RABGAP1L: variants seen among roughly 807,000 people sequenced by gnomAD.
RABGAP1L encodes the protein rab GTPase-activating protein 1-like.
Under a neutral mutation model 137.7 loss-of-function variants are expected in RABGAP1L, and 63 were observed. The observed-to-expected ratio is 0.46, with a 90% CI of 0.37 to 0.56. The LOEUF (loss-of-function observed/expected upper bound fraction) is 0.56. RABGAP1L is among the 20% of genes least tolerant of loss of function. RABGAP1L has a pLI of 0.00. For synonymous variants in RABGAP1L, 431 were observed against 433.7 expected (o/e 0.99, Z 0.08); for missense variants, 1,095 against 1,244.0 (o/e 0.88, Z 1.80).
Position 174,250,553 on chromosome 1 carries a change from A to T in RABGAP1L, c.796A>T (p.Ile266Phe). 1 of 1,613,956 alleles carries T rather than the reference A, an allele frequency of 6.2e-7. No individual in the cohort carries two copies. Among genetic ancestry groups the T allele is most frequent in the East Asian group, 2.2e-5 (1 of 44,856 alleles). The change falls in exon 6 of 26, where the codon ATT becomes TTT. Residue 266 changes from isoleucine (I) to phenylalanine (F), a missense_variant. Around this residue, in one of 4 missense-constraint regions of RABGAP1L, gnomAD observed 356 missense variants for 326.3 expected, o/e 1.09. Transcript: ENST00000681986. ...RQVSDVKDSV[I>F]PTPDSDVFTF... The stretch of plus-strand genomic sequence containing the variant: ...AGTGTCTGATGTTAAAGACTCAGTT[A>T]TTCCTACCCCCGACAGTGATGTGTT...
chr1:174,850,130 G>T, intron 19 of RABGAP1L: 1 of 481,852 alleles, frequency 2.1e-6, no homozygotes, highest in Non-Finnish European at 4.2e-6. Flanking sequence ...AGTTCTCTAG[G>T]TTGAAATTCC....
chr1:174,575,051 C>T (rs1668273186), intron 13 of RABGAP1L, among the ~76,000 whole-genome samples: 1 of 152,192 alleles, frequency 6.6e-6, no homozygotes. Flanking sequence ...CTGCCTCAGC[C>T]TTCCGAGTAG....
chr1:174,779,859 A>T (rs1686819669), intron 18 of RABGAP1L, among the ~76,000 whole-genome samples: 1 of 152,064 alleles, frequency 6.6e-6, no homozygotes, highest in South Asian at 2.1e-4. Context: ...TGAGGTCAGG[A>T]GTTTGAGACC....
chr1:174,199,507 G>T (rs955407390), intron 1 of RABGAP1L, among the ~76,000 whole-genome samples: 2 of 152,078 alleles, frequency 1.3e-5, no homozygotes, highest in Non-Finnish European at 2.9e-5. Context: ...GACCAGGCTG[G>T]TCTCGAACTC....
intron 19 of RABGAP1L, chr1:174,897,388 A>G (rs1325404063): frequency 6.6e-6 from 1 of 152,198 alleles, no homozygotes; most frequent in East Asian, 1.9e-4. Flanking sequence ...TTGCTTATAT[A>G]TTAAACGTGT....
chr1:174,331,244 A>G (rs1027582756), intron 11 of RABGAP1L, among the ~76,000 whole-genome samples: 5 of 152,218 alleles, frequency 3.3e-5, no homozygotes, highest in African/African-American at 1.2e-4. Context: ...AGAAGAAAAC[A>G]CAGGAGAAAC....
At chr1:174,239,994 T>A (rs1404874177) in intron 4 of RABGAP1L, among the ~76,000 whole-genome samples, 1 of 152,236 alleles carries the variant, frequency 6.6e-6, no homozygotes, top group African/African-American at 2.4e-5. Flanking sequence ...GTATATTGTT[T>A]ATATGTTATC....
rs1558070619 is a variant in RABGAP1L at position 174,780,107 on chromosome 1, TAAATA to T, written c.2211+27756_2211+27760del. Among the ~76,000 whole-genome samples the T allele has an allele frequency of 1.1e-3, 155 of 146,994 alleles. 3 individuals are homozygous for T. Among genetic ancestry groups the T allele is most frequent in the South Asian group, 2.0e-3 (9 of 4,606 alleles). ...ATAAATAAATAAATAAATAAATAAATAAATAAATAAATTAAATAAGCCCTAATTAA... is the reference window on the plus strand; with the variant it reads ...ATAAATAAATAAATAAATAAATAAATAATAAATTAAATAAGCCCTAATTAA... On this transcript the variant is annotated intron_variant, in intron 18 of 25. Transcript: ENST00000681986.
chr1:174,845,868 G>T (rs1487101063), intron 19 of RABGAP1L, among the ~76,000 whole-genome samples: 1 of 138,016 alleles, frequency 7.2e-6, no homozygotes, highest in East Asian at 2.1e-4. Flanking sequence ...GACTCTTTTT[G>T]GTTGGTAAAC....
At chr1:174,602,799 A>G (rs1670513778) in intron 13 of RABGAP1L, among the ~76,000 whole-genome samples, 1 of 151,992 alleles carries the variant, frequency 6.6e-6, no homozygotes, top group Non-Finnish European at 1.5e-5. Flanking sequence ...TTTAAAACTT[A>G]TTGTAATCTC....
chr1:174,671,624 A>G (rs879287497), intron 14 of RABGAP1L, among the ~76,000 whole-genome samples: 1 of 152,184 alleles, frequency 6.6e-6, no homozygotes, highest in Non-Finnish European at 1.5e-5. Flanking sequence ...ATTTACATAT[A>G]GTGAATCATC....
intron 1 of RABGAP1L, among the ~76,000 whole-genome samples, chr1:174,195,388 T>G (rs1021484966): frequency 7.2e-5 from 11 of 152,322 alleles, no homozygotes; most frequent in African/African-American, 2.6e-4. Context: ...ATGTTTTAAT[T>G]AATTTTTCCC....
rs2148164424 is a variant in RABGAP1L at position 174,159,552 on chromosome 1, G to A, written c.-139G>A. 1 of 152,400 alleles carries A rather than the reference G, an allele frequency of 6.6e-6. No individual in the cohort carries two copies. Among genetic ancestry groups the A allele is most frequent in the South Asian group, 2.1e-4 (1 of 4,832 alleles). 9.4% of individuals were successfully genotyped at this position (152,400 alleles called of 1,614,324 possible). On this transcript the variant is annotated 5_prime_UTR_variant, in exon 1 of 26. Coordinates refer to ENST00000681986, the MANE Select transcript of RABGAP1L (RefSeq NM_001366446.1). ...TCCGCCCTCCTCGGGCTCCAGCGGT[G>A]GCGGAGCGAACGGGACCGGCCCGGC...
chr1:174,940,333 A>G (rs769080844), intron 19 of RABGAP1L, among the ~76,000 whole-genome samples: 18 of 151,702 alleles, frequency 1.2e-4, no homozygotes, highest in Non-Finnish European at 2.4e-4. Context: ...TGCACGATCA[A>G]TCATAGCTCA....
intron 13 of RABGAP1L, chr1:174,449,046 G>T: frequency 6.2e-7 from 1 of 1,614,004 alleles, no homozygotes; most frequent in South Asian, 1.1e-5. Context: ...AATAGTTTTT[G>T]TAACTGTGTA....
chr1:174,531,142 A>G (rs913194121), intron 13 of RABGAP1L, among the ~76,000 whole-genome samples: 28 of 152,230 alleles, frequency 1.8e-4, no homozygotes, highest in African/African-American at 6.5e-4. Context: ...AAGTATAAGA[A>G]TAGATAACAC....
intron 18 of RABGAP1L, among the ~76,000 whole-genome samples, chr1:174,767,527 C>CTT (rs34412988): frequency 2.2e-5 from 3 of 137,668 alleles, no homozygotes; most frequent in Admixed American, 7.2e-5. Context: ...ACTGACTTTC[C>CTT]TTTTTTTTTT....
intron 14 of RABGAP1L, among the ~76,000 whole-genome samples, chr1:174,650,470 CTT>C (rs1440072211): frequency 6.6e-6 from 1 of 151,820 alleles, no homozygotes; most frequent in Non-Finnish European, 1.5e-5. Context: ...GTCCTGGACT[CTT>C]TTTGATTGGT....
chr1:174,429,820 T>C (rs529072555), intron 13 of RABGAP1L, among the ~76,000 whole-genome samples: 50 of 152,052 alleles, frequency 3.3e-4, no homozygotes, highest in Non-Finnish European at 6.3e-4. Context: ...AGGGTATAAA[T>C]AAAGCAGAAA....
Sources: gnomAD v4.1 joint callset for allele counts (sites outside exome capture counted in the v4.1 genomes callset) on GRCh38, gnomAD v4.1.1 for gene constraint, gnomAD v4.1.1 regional missense constraint, MANE v1.5 for transcripts, NCBI Gene and HGNC (gene_info 2026-07-23, HGNC 2026-07-21) for gene names.